TRAPPC9: variants seen among roughly 807,000 people sequenced by gnomAD.
TRAPPC9 encodes IKK2 binding protein.
Under a neutral mutation model 124.0 loss-of-function variants are expected in TRAPPC9, and 83 were observed. The ratio of observed to expected loss-of-function variants is 0.67; its 90% CI spans 0.56 to 0.80. TRAPPC9 has a LOEUF of 0.80. Among genes scored for constraint, TRAPPC9 ranks in the 30% least tolerant of loss-of-function variants. The pLI, the probability that TRAPPC9 is intolerant of heterozygous loss-of-function variation, is 0.00. For synonymous variants in TRAPPC9, 638 were observed against 617.5 expected (o/e 1.03, Z -0.49); for missense variants, 1,302 against 1,508.3 (o/e 0.86, Z 2.27).
At chr8:140,394,075 T>C (rs896970097) in intron 7 of TRAPPC9, among the ~76,000 whole-genome samples, 1 of 152,234 alleles carries the variant, frequency 6.6e-6, no homozygotes, top group Non-Finnish European at 1.5e-5. Flanking sequence ...GAACAAAATG[T>C]CCTCACATTT....
At chr8:140,278,624 C>T (rs997861283) in intron 14 of TRAPPC9, among the ~76,000 whole-genome samples, 1 of 152,228 alleles carries the variant, frequency 6.6e-6, no homozygotes, top group Non-Finnish European at 1.5e-5. Flanking sequence ...TCACCCTGTG[C>T]AGTGCATCTC....
At position 140,087,070 on chromosome 8, in the gene TRAPPC9, T is replaced by C. The variant is rs1001645042; in HGVS notation, c.2557-62991A>G. ...ACTTCTTGCCACCGTCAGCCTGCCA[T>C]CCTCCTACTCCTCTGAAATGACTCT... On this transcript the variant is annotated intron_variant, in intron 17 of 22. Coordinates refer to ENST00000438773, the MANE Select transcript of TRAPPC9 (RefSeq NM_001160372.4). The surrounding 1 kb of genome is among the most constrained non-coding windows in gnomAD (Gnocchi z 4.6). Among the ~76,000 whole-genome samples, 2 of 152,116 alleles carry C rather than the reference T, an allele frequency of 1.3e-5. No homozygotes were observed. The highest frequency in any genetic ancestry group is 2.1e-4 in the South Asian group (1 of 4,824).
chr8:140,272,387 G>A (rs1295505947), intron 15 of TRAPPC9, among the ~76,000 whole-genome samples: 1 of 136,106 alleles, frequency 7.3e-6, no homozygotes, highest in Non-Finnish European at 1.6e-5. Flanking sequence ...GGTGATGATG[G>A]TGATGGTGGC....
At chr8:140,120,738 CCATCCATCCATTCATTCATCCATCCAA>C (rs1171974601) in intron 17 of TRAPPC9, among the ~76,000 whole-genome samples, 2 of 149,630 alleles carry the variant, frequency 1.3e-5, no homozygotes, top group South Asian at 2.2e-4. Context: ...CATCCAACAT[CCATCCATCCATTCATTCATCCATCCAA>C]CATCCATCCA....
At chr8:140,456,268 C>A (rs980441072) in intron 1 of TRAPPC9, among the ~76,000 whole-genome samples, 2 of 152,034 alleles carry the variant, frequency 1.3e-5, no homozygotes, top group Non-Finnish European at 2.9e-5. Flanking sequence ...AAAATGTAGC[C>A]GGGCATGGTG....
intron 17 of TRAPPC9, among the ~76,000 whole-genome samples, chr8:140,125,763 T>A (rs993703591): frequency 1.3e-5 from 2 of 151,852 alleles, no homozygotes; most frequent in Non-Finnish European, 2.9e-5. Context: ...CCCAGCTAAT[T>A]TTTTTGTACT....
At chr8:140,101,372 G>A (rs2060575071) in intron 17 of TRAPPC9, among the ~76,000 whole-genome samples, 1 of 151,858 alleles carries the variant, frequency 6.6e-6, no homozygotes, top group Admixed American at 6.6e-5. Context: ...TTGACCTCAG[G>A]TGATCCACCC....
At chr8:139,856,263 G>A (rs117647896) in intron 21 of TRAPPC9, among the ~76,000 whole-genome samples, 3 of 152,134 alleles carry the variant, frequency 2.0e-5, no homozygotes, top group Non-Finnish European at 4.4e-5. Context: ...GCAGGTTGGG[G>A]ACTGAATTTC....
intron 19 of TRAPPC9, among the ~76,000 whole-genome samples, chr8:139,969,398 GA>G (rs1206075276): frequency 6.6e-6 from 1 of 152,206 alleles, no homozygotes; most frequent in Non-Finnish European, 1.5e-5. Flanking sequence ...GGCTCCTGGA[GA>G]AAACGTGATT....
chr8:140,401,510 TA>T (rs2069269687), intron 6 of TRAPPC9, among the ~76,000 whole-genome samples: 1 of 152,218 alleles, frequency 6.6e-6, no homozygotes, highest in Non-Finnish European at 1.5e-5. Context: ...TCAAATCTCT[TA>T]AAACAGTTTC....
At chr8:140,350,078 T>C (rs1406825770) in intron 9 of TRAPPC9, among the ~76,000 whole-genome samples, 1 of 152,224 alleles carries the variant, frequency 6.6e-6, no homozygotes, top group African/African-American at 2.4e-5. Flanking sequence ...AAGCACCTTT[T>C]GAGGGAACAG....
chr8:139,857,205 C>A (rs1827856648), intron 21 of TRAPPC9, among the ~76,000 whole-genome samples: 1 of 152,118 alleles, frequency 6.6e-6, no homozygotes, highest in Non-Finnish European at 1.5e-5. Context: ...CGGTGGAGCG[C>A]CAGGAGGTGA....
At chr8:140,038,101 T>C (rs1384801994) in intron 17 of TRAPPC9, among the ~76,000 whole-genome samples, 1 of 151,536 alleles carries the variant, frequency 6.6e-6, no homozygotes, top group Non-Finnish European at 1.5e-5. Context: ...CTCTGGCCTC[T>C]GTGTCATCAG....
chr8:139,852,233 C>T (rs1219442313), intron 21 of TRAPPC9, among the ~76,000 whole-genome samples: 1 of 152,194 alleles, frequency 6.6e-6, no homozygotes, highest in Non-Finnish European at 1.5e-5. Flanking sequence ...AACTGTGAGT[C>T]CAATTAAACC....
At chr8:140,026,624 T>C (rs971694576) in intron 17 of TRAPPC9, among the ~76,000 whole-genome samples, 1 of 152,228 alleles carries the variant, frequency 6.6e-6, no homozygotes, top group African/African-American at 2.4e-5. Flanking sequence ...ATGGTCCATT[T>C]ATGTATCTTC....
At chr8:139,928,591 G>A (rs1389333493) in intron 19 of TRAPPC9, among the ~76,000 whole-genome samples, 1 of 151,966 alleles carries the variant, frequency 6.6e-6, no homozygotes, top group Non-Finnish European at 1.5e-5. Flanking sequence ...TGTGTACAAT[G>A]GAAAAGCCCA....
intron 19 of TRAPPC9, among the ~76,000 whole-genome samples, chr8:139,936,327 C>T (rs1396656853): frequency 2.0e-5 from 3 of 152,268 alleles, no homozygotes; most frequent in African/African-American, 7.2e-5. Context: ...TCATAACATG[C>T]ATGCTGAGTG....
intron 19 of TRAPPC9, among the ~76,000 whole-genome samples, chr8:139,913,176 C>T (rs1831864950): frequency 6.6e-6 from 1 of 152,242 alleles, no homozygotes; most frequent in South Asian, 2.1e-4. Context: ...AATCATCACA[C>T]TCTATTATCC....
chr8:139,734,267 A>G (rs1818018319), intron 21 of TRAPPC9, among the ~76,000 whole-genome samples: 1 of 152,204 alleles, frequency 6.6e-6, no homozygotes, highest in African/African-American at 2.4e-5. Context: ...AGAGAGGTTT[A>G]AGGGTACGCA....
Sources: allele counts gnomAD v4.1 joint callset (sites outside exome capture counted in the v4.1 genomes callset), GRCh38; gene constraint gnomAD v4.1.1; non-coding constraint Gnocchi (gnomAD v3.1); transcripts MANE v1.5; gene names NCBI Gene and HGNC (gene_info 2026-07-23, HGNC 2026-07-21).